The following CSMD2 variants were observed in gnomAD, a reference collection of about 807,000 sequenced individuals.
The protein encoded by CSMD2 is CUB and Sushi multiple domains 2.
CSMD2 carries 130 observed loss-of-function variants against 398.5 expected under a neutral mutation model. The ratio of observed to expected loss-of-function variants is 0.33; its 90% confidence interval spans 0.28 to 0.38. CSMD2 has a LOEUF of 0.38. Among genes scored for constraint, CSMD2 ranks in the 10% least tolerant of loss-of-function variants. The pLI is 1.00. For synonymous variants in CSMD2, 1,828 were observed against 1,908.5 expected (o/e 0.96, Z 1.10); for missense variants, 3,829 against 4,764.9 (o/e 0.80, Z 5.78).
At chr1:33,821,053 T>A (rs1658087299) in intron 7 of CSMD2, among the ~76,000 whole-genome samples, 1 of 152,150 alleles carries the variant, frequency 6.6e-6, no homozygotes, top group Non-Finnish European at 1.5e-5. Flanking sequence ...CAGTCAAAGT[T>A]CAAAGCTGGG....
chr1:34,122,805 A>C (rs922569140), intron 1 of CSMD2, among the ~76,000 whole-genome samples: 2 of 152,300 alleles, frequency 1.3e-5, no homozygotes, highest in African/African-American at 4.8e-5. Context: ...AGGGCATCTT[A>C]CCAGGGGACA....
At chr1:33,971,450 A>G (rs1296722129) in intron 3 of CSMD2, among the ~76,000 whole-genome samples, 1 of 152,216 alleles carries the variant, frequency 6.6e-6, no homozygotes, top group East Asian at 1.9e-4. Context: ...CTCGGGAAAC[A>G]TCGTGCCTGG....
intron 48 of CSMD2, among the ~76,000 whole-genome samples, chr1:33,580,286 C>CT (rs1470234219): frequency 6.6e-6 from 1 of 151,942 alleles, no homozygotes; most frequent in Non-Finnish European, 1.5e-5. Flanking sequence ...TTTTTCAGTC[C>CT]TTATAGATTG....
intron 5 of CSMD2, among the ~76,000 whole-genome samples, chr1:33,847,575 GGTCA>G (rs1287536660): frequency 6.6e-6 from 1 of 151,956 alleles, no homozygotes; most frequent in Non-Finnish European, 1.5e-5. Flanking sequence ...AAAGAATCGA[GGTCA>G]GTATCTGGCA....
At chr1:33,998,478 C>A (rs547556536) in intron 3 of CSMD2, among the ~76,000 whole-genome samples, 1 of 152,338 alleles carries the variant, frequency 6.6e-6, no homozygotes, top group East Asian at 1.9e-4. Context: ...TGGCTATAGG[C>A]CCAGAGGACA....
chr1:33,634,428 T>C (rs1642671523), intron 31 of CSMD2, among the ~76,000 whole-genome samples: 3 of 152,250 alleles, frequency 2.0e-5, no homozygotes. Flanking sequence ...CCCTCCGTCC[T>C]GCTCCTCCCC....
At chr1:34,031,635 G>C (rs1239955926) in intron 3 of CSMD2, among the ~76,000 whole-genome samples, 3 of 151,854 alleles carry the variant, frequency 2.0e-5, no homozygotes, top group Non-Finnish European at 2.9e-5. Context: ...TTTTGCTAAG[G>C]AGGCAGAACT....
chr1:34,070,892 G>A (rs1385569003), intron 2 of CSMD2, among the ~76,000 whole-genome samples: 2 of 152,188 alleles, frequency 1.3e-5, no homozygotes, highest in Admixed American at 6.5e-5. Flanking sequence ...GTTTACGTAA[G>A]TTTAAGATTT....
intron 10 of CSMD2, 116 bp downstream of exon 10, chr1:33,810,627 A>G (rs1361704670): frequency 1.9e-6 from 2 of 1,044,468 alleles, no homozygotes; most frequent in Admixed American, 2.6e-5. Context: ...AAAGTAAAAG[A>G]ACTGTCTGCA....
rs1251857927 is a variant in CSMD2 at position 33,772,640 on chromosome 1, T to A, written c.1775A>T (p.Glu592Val). ...TLKFECQPAF[E>V]LVGQKAITCQ... ...TGTGATTGCCTTCTGTCCCACCAGC[T>A]CAAAGGCGGGCTGGCACTCAAACTT... The change falls in exon 13 of 71, where the codon GAG becomes GTG. Residue 592 changes from glutamate to valine, a missense_variant. Glu to Val is a moderately radical substitution (Grantham distance 121). Around this residue, in one of 5 missense-constraint regions of CSMD2, gnomAD observed 2,001 missense variants for 2,567.1 expected, o/e 0.78. Transcript: ENST00000373381. 2.5e-6 allele frequency: 4 copies of A among 1,614,084 alleles called. No homozygotes were observed.
At chr1:33,983,600 G>A (rs779634558) in intron 3 of CSMD2, among the ~76,000 whole-genome samples, 4 of 152,064 alleles carry the variant, frequency 2.6e-5, no homozygotes, top group African/African-American at 9.7e-5. Flanking sequence ...AGGATGTCTC[G>A]GTGGTCAAGG....
chr1:34,151,270 G>A (rs11590546), intron 1 of CSMD2, among the ~76,000 whole-genome samples: 37,561 of 151,974 alleles, frequency 0.25, 5,697 homozygotes, highest in East Asian at 0.42. Flanking sequence ...CCAACCCAGG[G>A]CCACTGCACT....
intron 5 of CSMD2, among the ~76,000 whole-genome samples, chr1:33,886,610 T>C (rs1047823888): frequency 6.6e-6 from 1 of 152,178 alleles, no homozygotes; most frequent in Admixed American, 6.5e-5. Flanking sequence ...CAGAGGTTCA[T>C]GTGTGGCCTG....
intron 13 of CSMD2, among the ~76,000 whole-genome samples, chr1:33,757,205 C>G (rs1469648443): frequency 2.0e-5 from 3 of 151,970 alleles, no homozygotes; most frequent in Non-Finnish European, 4.4e-5. Flanking sequence ...ATACCTAAAG[C>G]TAAATGACGA....
chr1:33,923,793 C>T (rs1644030729), intron 4 of CSMD2, among the ~76,000 whole-genome samples: 1 of 152,154 alleles, frequency 6.6e-6, no homozygotes, highest in African/African-American at 2.4e-5. Context: ...CCTGTTAGAA[C>T]CTGGGCTGCA....
chr1:34,162,322 G>A (rs1403709598), intron 1 of CSMD2, among the ~76,000 whole-genome samples: 1 of 151,984 alleles, frequency 6.6e-6, no homozygotes, highest in East Asian at 1.9e-4. Context: ...GGTATGGGTG[G>A]GTGAGGAGAC....
intron 1 of CSMD2, among the ~76,000 whole-genome samples, chr1:34,149,416 GC>G (rs1356728564): frequency 6.6e-6 from 1 of 152,124 alleles, no homozygotes; most frequent in African/African-American, 2.4e-5. Flanking sequence ...AATGCCAGCT[GC>G]CCCCCACCAA....
intron 1 of CSMD2, among the ~76,000 whole-genome samples, chr1:34,104,680 T>C (rs1273633097): frequency 6.6e-6 from 1 of 152,250 alleles, no homozygotes; most frequent in African/African-American, 2.4e-5. Context: ...GAGCACCAGC[T>C]GGACACCTCA....
At chr1:33,937,957 A>G (rs182932828) in intron 3 of CSMD2, among the ~76,000 whole-genome samples, 6 of 152,376 alleles carry the variant, frequency 3.9e-5, no homozygotes, top group African/African-American at 1.4e-4. Context: ...AGACTAGCAC[A>G]GTGCCTGGCA....
Sources: gnomAD v4.1 joint callset for allele counts (sites outside exome capture counted in the v4.1 genomes callset) on GRCh38, gnomAD v4.1.1 for gene constraint, gnomAD v4.1.1 regional missense constraint, MANE v1.5 for transcripts, NCBI Gene and HGNC (gene_info 2026-07-23, HGNC 2026-07-21) for gene names.